The following CDH13 variants were observed in gnomAD, a reference collection of about 807,000 sequenced individuals.
CDH13 encodes cadherin-13.
Under a neutral mutation model 63.8 loss-of-function variants are expected in CDH13, and 24 were observed. The observed-to-expected ratio is 0.38, with a 90% CI of 0.27 to 0.53. The LOEUF (loss-of-function observed/expected upper bound fraction) is 0.53. Among genes scored for constraint, CDH13 ranks in the 20% least tolerant of loss-of-function variants. CDH13 has a pLI of 0.85. For synonymous variants in CDH13, 503 were observed against 355.3 expected, an observed-to-expected ratio of 1.42 and a Z score of -4.67; for missense variants, 1,049 against 903.1, an observed-to-expected ratio of 1.16 and a Z score of -2.07.
chr16:82,805,747 C>T (rs568497825), intron 1 of CDH13, among the ~76,000 whole-genome samples: 1 of 152,306 alleles, frequency 6.6e-6, no homozygotes, highest in Admixed American at 6.5e-5. Flanking sequence ...TTCTTAGGAG[C>T]ATCCAAGTTC....
intron 11 of CDH13, among the ~76,000 whole-genome samples, chr16:83,767,242 C>G (rs529653972): frequency 6.6e-6 from 1 of 151,898 alleles, no homozygotes; most frequent in East Asian, 1.9e-4. Context: ...TGGCTGTGTC[C>G]CCACCCAAAT....
At chr16:82,740,817 G>C (rs1272277840) in intron 1 of CDH13, among the ~76,000 whole-genome samples, 3 of 152,178 alleles carry the variant, frequency 2.0e-5, no homozygotes, top group Admixed American at 1.3e-4. Flanking sequence ...GGAACATTCT[G>C]TTTGGAAGAA....
At chr16:83,398,780 A>G (rs1191943341) in intron 6 of CDH13, among the ~76,000 whole-genome samples, 2 of 152,160 alleles carry the variant, frequency 1.3e-5, no homozygotes, top group Non-Finnish European at 2.9e-5. Flanking sequence ...TTGAAATAGC[A>G]CCTTTTCAGA....
At chr16:83,023,008 T>C (rs1307413773) in intron 2 of CDH13, 3 of 152,238 alleles carry the variant, frequency 2.0e-5, no homozygotes, top group Non-Finnish European at 4.4e-5. Flanking sequence ...CTTATCCATT[T>C]TTAGATGGTA....
At chr16:83,196,709 A>G (rs973867006) in intron 4 of CDH13, among the ~76,000 whole-genome samples, 4 of 152,218 alleles carry the variant, frequency 2.6e-5, no homozygotes, top group Non-Finnish European at 2.9e-5. Context: ...ATTAGCCATG[A>G]GGGAAATGCA....
chr16:83,665,897 G>C (rs1001046539), intron 8 of CDH13, among the ~76,000 whole-genome samples: 3 of 152,156 alleles, frequency 2.0e-5, no homozygotes, highest in African/African-American at 7.2e-5. Context: ...TCCTACTTGT[G>C]ATTGTCTTTG....
At chr16:83,129,146 A>G (rs1427937404) in intron 4 of CDH13, among the ~76,000 whole-genome samples, 1 of 152,154 alleles carries the variant, frequency 6.6e-6, no homozygotes, top group South Asian at 2.1e-4. Context: ...AAGAGGACGT[A>G]GGTGTTTTCA....
rs556365934 is a variant in CDH13, at chr16:83,090,066, T to C, written c.367-35319T>C. Among the ~76,000 whole-genome samples, 4 of 152,270 alleles carry C rather than the reference T, an allele frequency of 2.6e-5. No individual in the cohort carries two copies. In the East Asian group the frequency reaches 7.7e-4, roughly 29 times the overall value. On this transcript the variant is annotated intron_variant, in intron 3 of 13. Coordinates refer to ENST00000567109, the MANE Select transcript of CDH13 (RefSeq NM_001257.5). ...TCAGGGCTTGGGCATAAACTAAAACTGTGATCACCTCGCGTAGATTTGAGG... is the reference window on the plus strand; with the variant it reads ...TCAGGGCTTGGGCATAAACTAAAACCGTGATCACCTCGCGTAGATTTGAGG...
At chr16:83,752,323 G>C (rs1913155038) in intron 11 of CDH13, among the ~76,000 whole-genome samples, 1 of 152,220 alleles carries the variant, frequency 6.6e-6, no homozygotes, top group Admixed American at 6.5e-5. Context: ...CATGTATGCA[G>C]TAATCAGTTA....
chr16:83,706,212 G>A (rs530684654), intron 10 of CDH13, among the ~76,000 whole-genome samples: 1 of 152,266 alleles, frequency 6.6e-6, no homozygotes, highest in East Asian at 1.9e-4. Flanking sequence ...ACGAGGCCTG[G>A]GCTCTCTCAC....
chr16:83,539,824 T>C (rs974481886), intron 7 of CDH13, among the ~76,000 whole-genome samples: 1 of 152,198 alleles, frequency 6.6e-6, no homozygotes, highest in Admixed American at 6.5e-5. Context: ...GGAATGGTTC[T>C]AGAAAGAAAT....
chr16:82,919,339 T>C (rs769248393), intron 2 of CDH13, among the ~76,000 whole-genome samples: 1 of 152,214 alleles, frequency 6.6e-6, no homozygotes, highest in Non-Finnish European at 1.5e-5. Context: ...TAGTTATTTT[T>C]TTCTGATCCT....
At chr16:83,773,243 T>C (rs555125576) in intron 11 of CDH13, among the ~76,000 whole-genome samples, 1 of 152,326 alleles carries the variant, frequency 6.6e-6, no homozygotes, top group East Asian at 1.9e-4. Context: ...GAATTTACAA[T>C]TGCAAGTTTC....
At chr16:83,193,265 C>A (rs2038778998) in intron 4 of CDH13, among the ~76,000 whole-genome samples, 1 of 151,296 alleles carries the variant, frequency 6.6e-6, no homozygotes, top group African/African-American at 2.4e-5. Context: ...ATCTTGGAAG[C>A]AAGCCTCCAG....
intron 7 of CDH13, among the ~76,000 whole-genome samples, chr16:83,489,293 T>C (rs1267384862): frequency 1.3e-5 from 2 of 152,176 alleles, no homozygotes; most frequent in African/African-American, 4.8e-5. Context: ...AGTATGTAAT[T>C]ATGGAAGTTG....
At chr16:83,011,000 G>A (rs540093679) in intron 2 of CDH13, among the ~76,000 whole-genome samples, 63 of 152,084 alleles carry the variant, frequency 4.1e-4, no homozygotes, top group African/African-American at 8.9e-4. Context: ...ATGCAACATC[G>A]TCGCCTAATT....
At chr16:82,997,148 G>C (rs1390998599) in intron 2 of CDH13, among the ~76,000 whole-genome samples, 1 of 149,686 alleles carries the variant, frequency 6.7e-6, no homozygotes, top group African/African-American at 2.5e-5. Flanking sequence ...TGATGATGGT[G>C]ATGATGGTGA....
At chr16:83,582,587 G>T (rs1204464889) in intron 7 of CDH13, among the ~76,000 whole-genome samples, 1 of 152,172 alleles carries the variant, frequency 6.6e-6, no homozygotes, top group Non-Finnish European at 1.5e-5. Flanking sequence ...CTGCCCATAA[G>T]GGTTGTTAGG....
chr16:82,979,315 C>T (rs1037121649), intron 2 of CDH13, among the ~76,000 whole-genome samples: 3 of 152,070 alleles, frequency 2.0e-5, no homozygotes, highest in African/African-American at 7.2e-5. Context: ...GTTGGGAGGG[C>T]AGAATTGTCT....
Sources: allele counts gnomAD v4.1 joint callset (sites outside exome capture counted in the v4.1 genomes callset), GRCh38; gene constraint gnomAD v4.1.1; transcripts MANE v1.5; gene names NCBI Gene and HGNC (gene_info 2026-07-23, HGNC 2026-07-21).